The following RANBP2 variants were observed in gnomAD, a reference collection of about 807,000 sequenced individuals.
RANBP2 encodes E3 SUMO-protein ligase RanBP2.
RANBP2 carries 57 observed loss-of-function variants against 303.6 expected under a neutral mutation model. That is an observed-to-expected ratio of 0.19 (90% CI 0.15 to 0.23). RANBP2 has a LOEUF of 0.23. RANBP2 is among the 10% of genes least tolerant of loss of function. The pLI is 1.00. For missense variants in RANBP2, 3,138 were observed against 3,780.8 expected, an observed-to-expected ratio of 0.83 and a Z score of 4.46; for synonymous variants, 1,167 against 1,301.5, an observed-to-expected ratio of 0.90 and a Z score of 2.23.
chr2:108,847,559 G>A, the RANBP2 span, among the ~76,000 whole-genome samples: 10 of 152,178 alleles, frequency 6.6e-5, no homozygotes, highest in Admixed American at 3.3e-4. Context: ...GGATGAATTA[G>A]AAATCCTTCA....
the RANBP2 span, among the ~76,000 whole-genome samples, chr2:109,284,201 A>G: frequency 3.3e-5 from 5 of 152,190 alleles, no homozygotes; most frequent in African/African-American, 1.2e-4. Context: ...AGTTTTCTCA[A>G]GTGTGGTGTG....
chr2:108,973,302 T>C, the RANBP2 span, among the ~76,000 whole-genome samples: 1 of 152,190 alleles, frequency 6.6e-6, no homozygotes, highest in Non-Finnish European at 1.5e-5. Flanking sequence ...CATGTGTGTA[T>C]AGTGCCGCCT....
At chr2:109,099,107 T>C in the RANBP2 span, among the ~76,000 whole-genome samples, 5 of 152,178 alleles carry the variant, frequency 3.3e-5, no homozygotes, top group East Asian at 1.9e-4. Flanking sequence ...CAGGAATGTA[T>C]ACCCAACGGG....
At chr2:109,299,955 T>G in the RANBP2 span, among the ~76,000 whole-genome samples, 20 of 152,306 alleles carry the variant, frequency 1.3e-4, no homozygotes, top group Middle Eastern at 0.014. Flanking sequence ...TGATAAAGCT[T>G]TAAGCAGGGA....
Position 108,753,909 on chromosome 2 carries a change from A to G in RANBP2, c.2140A>G (p.Thr714Ala). The G allele has an allele frequency of 6.2e-7, 1 of 1,612,044 alleles. No homozygotes were observed. Reference sequence around the variant, plus strand: ...AGAATGCAAAAATTATCTGAGAAAGACCAGGGACTACCTAATAAAGATTAT... The same window carrying G: ...AGAATGCAAAAATTATCTGAGAAAGGCCAGGGACTACCTAATAAAGATTAT... ...QEECKNYLRKTRDYLIKIIDD... is the reference protein window; with the variant it reads ...QEECKNYLRKARDYLIKIIDD... Residue 714 changes from threonine (T) to alanine (A), a missense_variant, in exon 15 of 29, where the codon ACC becomes GCC. Around this residue, in one of 20 missense-constraint regions of RANBP2, gnomAD observed 194 missense variants for 197.4 expected, o/e 0.98. Transcript: ENST00000283195.
At chr2:109,561,027 T>C in the RANBP2 span, among the ~76,000 whole-genome samples, 1 of 152,164 alleles carries the variant, frequency 6.6e-6, no homozygotes, top group Non-Finnish European at 1.5e-5. Flanking sequence ...TAATAATTTT[T>C]AAAATGCAAA....
the RANBP2 span, among the ~76,000 whole-genome samples, chr2:109,440,659 G>A: frequency 6.6e-6 from 1 of 152,210 alleles, no homozygotes; most frequent in Admixed American, 6.5e-5. Context: ...AGAAGTTGCA[G>A]GCAGTGGCAA....
chr2:109,169,466 C>T, the RANBP2 span, among the ~76,000 whole-genome samples: 31 of 152,034 alleles, frequency 2.0e-4, no homozygotes, highest in Non-Finnish European at 2.8e-4. Flanking sequence ...GTTGAATTGT[C>T]GGGGAGGAAG....
At chr2:109,127,473 G>A in the RANBP2 span, 2 of 152,204 alleles carry the variant, frequency 1.3e-5, no homozygotes, top group South Asian at 2.1e-4. Flanking sequence ...TAGTTCTGTG[G>A]ATACAAAAAT....
chr2:109,425,623 G>A, the RANBP2 span, among the ~76,000 whole-genome samples: 44 of 152,082 alleles, frequency 2.9e-4, no homozygotes, highest in South Asian at 1.5e-3. Context: ...GGACAACCAC[G>A]CCTGCATGAT....
At chr2:109,658,799 G>T in the RANBP2 span, among the ~76,000 whole-genome samples, 1 of 152,094 alleles carries the variant, frequency 6.6e-6, no homozygotes, top group Non-Finnish European at 1.5e-5. Flanking sequence ...AGGCACGGTG[G>T]CTCACACCTG....
the RANBP2 span, among the ~76,000 whole-genome samples, chr2:109,239,025 A>G: frequency 1.3e-5 from 2 of 152,210 alleles, no homozygotes; most frequent in Admixed American, 6.5e-5. Flanking sequence ...ACAATGTTAA[A>G]TGTAATAAAA....
the RANBP2 span, among the ~76,000 whole-genome samples, chr2:109,607,532 C>T: frequency 6.6e-6 from 1 of 152,066 alleles, no homozygotes; most frequent in Non-Finnish European, 1.5e-5. Context: ...CAAAGCTCAA[C>T]CTTATCTGAA....
At chr2:108,930,568 C>G in the RANBP2 span, among the ~76,000 whole-genome samples, 1 of 152,150 alleles carries the variant, frequency 6.6e-6, no homozygotes, top group African/African-American at 2.4e-5. Flanking sequence ...CCCTGTCCCC[C>G]ACTGAGCCTC....
chr2:109,373,164 A>T, the RANBP2 span, among the ~76,000 whole-genome samples: 7 of 152,226 alleles, frequency 4.6e-5, no homozygotes, highest in East Asian at 1.2e-3. Flanking sequence ...TGCCCTCAAC[A>T]CTTCGCAAGT....
the RANBP2 span, among the ~76,000 whole-genome samples, chr2:109,673,263 T>C: frequency 6.6e-6 from 1 of 152,196 alleles, no homozygotes; most frequent in African/African-American, 2.4e-5. Flanking sequence ...ATGGGGACAG[T>C]ACTAAGTGTT....
chr2:108,786,767 C>A, downstream of RANBP2: 1 of 1,484,880 alleles, frequency 6.7e-7, no homozygotes, highest in Non-Finnish European at 9.2e-7. Flanking sequence ...GGCCGCGTAG[C>A]GCCGCGGGTT....
chr2:109,348,839 T>C, the RANBP2 span, among the ~76,000 whole-genome samples: 1 of 152,142 alleles, frequency 6.6e-6, no homozygotes, highest in Non-Finnish European at 1.5e-5. Flanking sequence ...CCCCCAGATG[T>C]AAATGACAGA....
chr2:109,282,842 A>T, the RANBP2 span, among the ~76,000 whole-genome samples: 3 of 152,104 alleles, frequency 2.0e-5, no homozygotes, highest in Non-Finnish European at 4.4e-5. Flanking sequence ...TGGAGGGGTA[A>T]TGGTCCTCCT....
Sources: gnomAD v4.1 joint callset for allele counts (sites outside exome capture counted in the v4.1 genomes callset) on GRCh38, gnomAD v4.1.1 for gene constraint, gnomAD v4.1.1 regional missense constraint, MANE v1.5 for transcripts, NCBI Gene and HGNC (gene_info 2026-07-23, HGNC 2026-07-21) for gene names.